The following RSRP1 variants were observed in gnomAD, a reference collection of about 807,000 sequenced individuals.
RSRP1 encodes the protein arginine/serine-rich protein 1.
Under a neutral mutation model 33.0 loss-of-function variants are expected in RSRP1, and 37 were observed. That is an observed-to-expected ratio of 1.12 (90% CI 0.86 to 1.48). The LOEUF (loss-of-function observed/expected upper bound fraction) is 1.48, where lower values mean the gene tolerates loss of function less well. RSRP1 is among the 40% of genes most tolerant of loss of function. The pLI is 0.00. For synonymous variants in RSRP1, 167 were observed against 158.7 expected, an observed-to-expected ratio of 1.05 and a Z score of -0.40; for missense variants, 402 against 385.3, an observed-to-expected ratio of 1.04 and a Z score of -0.36.
chr1:25,270,070 TC>T (rs1484024903), intron 1 of RSRP1, among the ~76,000 whole-genome samples: 1 of 131,784 alleles, frequency 7.6e-6, no homozygotes, highest in African/African-American at 2.6e-5. Context: ...AGAGGTCACA[TC>T]CATTTATCCC....
rs1208304238 is a variant in RSRP1 at position 25,305,058 on chromosome 1, C to G, written c.-67+32920G>C. Among the ~76,000 whole-genome samples the G allele has an allele frequency of 1.7e-4, 23 of 132,610 alleles. 2 individuals are homozygous for G. Among genetic ancestry groups the G allele is most frequent in the South Asian group, 6.9e-4 (3 of 4,362 alleles). The allele number at this position is 132,610 out of a possible 152,430, so 87.0% of individuals were successfully genotyped here. A position where few individuals can be genotyped will look rare whatever the true frequency, so the allele number is the denominator to read the frequency against. ...GTTTAGTGAGCGAAATGGATACACA[C>G]AATACAGTGTGAGAACAGCAAGAGG... On this transcript the variant is annotated intron_variant, in intron 1 of 1. Transcript: ENST00000561867.
rs555351124 is a variant in RSRP1, at chr1:25,274,711, A to G, written c.-66-27682T>C. On this transcript the variant is annotated intron_variant, in intron 1 of 1. Coordinates refer to the RSRP1 transcript ENST00000561867. ...AACATTGCATTGCCCTGGAGCCTAA[A>G]AGGGGAAACAAAGGGCCGGGCGACG... 5.2e-5 allele frequency among the ~76,000 whole-genome samples: 7 copies of G among 133,972 alleles called. 1 individual carries two copies. In the East Asian group the frequency reaches 1.4e-3, roughly 26 times the overall value. The allele number at this position is 133,972 out of a possible 152,430, so 87.9% of individuals were successfully genotyped here.
intron 1 of RSRP1, among the ~76,000 whole-genome samples, chr1:25,320,148 T>G (rs1644621663): frequency 7.6e-6 from 1 of 131,758 alleles, no homozygotes; most frequent in Non-Finnish European, 1.8e-5. Flanking sequence ...TCCGCCCACC[T>G]TGGCCTCCCA....
intron 1 of RSRP1, among the ~76,000 whole-genome samples, chr1:25,282,570 G>A (rs1641584334): frequency 7.6e-6 from 1 of 132,434 alleles, no homozygotes; most frequent in Admixed American, 7.4e-5. Context: ...AAATGATAGA[G>A]CTGGGATCGA....
rs1243386917 is a variant in RSRP1 at position 25,291,274 on chromosome 1, G to T, written c.-66-44245C>A. ...ACCTGAGGTCAGGAGTTCAAGACCA[G>T]CCTGGTCAACATGGGGGAACCTCAT... On this transcript the variant is annotated intron_variant, in intron 1 of 1. Coordinates refer to the RSRP1 transcript ENST00000561867. Among the ~76,000 whole-genome samples, 2 of 130,728 alleles carry T rather than the reference G, an allele frequency of 1.5e-5. 1 individual carries two copies. Among genetic ancestry groups the T allele is most frequent in the East Asian group, 3.9e-4 (2 of 5,108 alleles). The allele number at this position is 130,728 out of a possible 152,430, so 85.8% of individuals were successfully genotyped here. A position where few individuals can be genotyped will look rare whatever the true frequency, so the allele number is the denominator to read the frequency against.
rs1487279969 is a variant in RSRP1 at position 25,246,958 on chromosome 1, G to A, written c.6C>T (p.Ser2=). 1 of 1,574,132 alleles carries A rather than the reference G, an allele frequency of 6.4e-7. No individual in the cohort carries two copies. The highest frequency in any genetic ancestry group is 8.6e-7 in the Non-Finnish European group (1 of 1,156,362). Residue 2 remains serine, a synonymous_variant, in exon 2 of 5, where the codon TCC becomes TCT. Coordinates refer to ENST00000243189, the MANE Select transcript of RSRP1 (RefSeq NM_020317.5). The part of the protein sequence containing the change: M[S]NYVNDMWPGS... ...CCGGCCACATGTCGTTCACGTAGTT[G>A]GACATCTTCACCTGCGGCTTTAGCC...
Position 25,319,726 on chromosome 1 carries a change from A to G in RSRP1, c.-67+18252T>C, listed in dbSNP as rs1209064175. 6.8e-5 allele frequency among the ~76,000 whole-genome samples: 9 copies of G among 132,260 alleles called. 1 individual carries two copies. The South Asian group carries it at 9.2e-4, about 14-fold the overall frequency. 86.8% of individuals were successfully genotyped at this position (132,260 alleles called of 152,430 possible). On this transcript the variant is annotated intron_variant, in intron 1 of 1. Transcript: ENST00000561867. ...ATTTAATTTGTTAATTGAGCCCTCT[A>G]TGGGCCTGTCTGTATTTATTTAAGA...
At chr1:25,293,214 G>C (rs1478158125) in intron 1 of RSRP1, among the ~76,000 whole-genome samples, 1 of 130,326 alleles carries the variant, frequency 7.7e-6, no homozygotes, top group African/African-American at 2.6e-5. Context: ...AGAAGCAGGA[G>C]GGCAATAATC....
At position 25,246,972 on chromosome 1, in the gene RSRP1, G is replaced by A. The variant is rs1553133161; in HGVS notation, c.-9C>T. The A allele has an allele frequency of 1.3e-5, 21 of 1,559,170 alleles. No homozygotes were observed. The highest frequency in any genetic ancestry group is 1.9e-5 in the Admixed American group (1 of 52,844). ...TTCACGTAGTTGGACATCTTCACCT[G>A]CGGCTTTAGCCTGCGCTTTCTCCGG... On this transcript the variant is annotated 5_prime_UTR_variant, in exon 2 of 5. Coordinates refer to ENST00000243189, the MANE Select transcript of RSRP1 (RefSeq NM_020317.5).
At chr1:25,259,004 T>G (rs1279325245) in intron 1 of RSRP1, among the ~76,000 whole-genome samples, 1 of 152,210 alleles carries the variant, frequency 6.6e-6, no homozygotes, top group South Asian at 2.1e-4. Context: ...AATACAGCCA[T>G]GTACCACATA....
chr1:25,243,733 G>A (rs971866528), intron 3 of RSRP1, 100 bp from the exon 4 acceptor site: 5 of 1,496,580 alleles, frequency 3.3e-6, no homozygotes, highest in African/African-American at 1.4e-5. Flanking sequence ...TTTAGCTGTA[G>A]ACACAAAAAT....
intron 1 of RSRP1, among the ~76,000 whole-genome samples, chr1:25,263,429 G>A (rs1396486437): frequency 1.3e-5 from 2 of 151,856 alleles, no homozygotes; most frequent in Admixed American, 6.6e-5. Flanking sequence ...GAAAGGCAAT[G>A]AGGAGCAAGT....
rs1427339649 is a variant in RSRP1 at position 25,274,643 on chromosome 1, G to A, written c.-66-27614C>T. On this transcript the variant is annotated intron_variant, in intron 1 of 1. Transcript: ENST00000561867. ...TCATCCAAGTGAGGGCACAGTGGGTGCCATGGCGTGCACACACAATAGAGC... is the reference window on the plus strand; with the variant it reads ...TCATCCAAGTGAGGGCACAGTGGGTACCATGGCGTGCACACACAATAGAGC... Among the ~76,000 whole-genome samples the A allele has an allele frequency of 6.0e-5, 8 of 133,358 alleles. 2 individuals are homozygous for A. The highest frequency in any genetic ancestry group is 1.9e-4 in the East Asian group (1 of 5,142). The allele number at this position is 133,358 out of a possible 152,430, so 87.5% of individuals were successfully genotyped here. A position where few individuals can be genotyped will look rare whatever the true frequency, so the allele number is the denominator to read the frequency against.
rs1305848740 is a variant in RSRP1 at position 25,268,990 on chromosome 1, T to C, written c.-66-21961A>G. ...ATAGGGCAGTCAGGGAAAACTTTCC[T>C]GAGAAGGGGATGGTGGAGGATCCAG... On this transcript the variant is annotated intron_variant, in intron 1 of 1. Transcript: ENST00000561867. Among the ~76,000 whole-genome samples the C allele has an allele frequency of 7.8e-5, 10 of 127,496 alleles. 1 individual carries two copies. Among genetic ancestry groups the C allele is most frequent in the African/African-American group, 2.4e-4 (9 of 37,472 alleles). 83.6% of individuals were successfully genotyped at this position (127,496 alleles called of 152,430 possible). A position where few individuals can be genotyped will look rare whatever the true frequency, so the allele number is the denominator to read the frequency against.
In RSRP1 at chr1:25,242,614, G is replaced by A; in HGVS notation, c.848C>T (p.Pro283Leu). Residue 283 changes from proline to leucine, a missense_variant, in exon 5 of 5, where the codon CCA (proline) becomes CTA (leucine). Physicochemically the swap from Pro to Leu is moderately conservative, Grantham distance 98. Coordinates refer to ENST00000243189, the MANE Select transcript of RSRP1 (RefSeq NM_020317.5). ...RSPKIDQKKS[P>L]YGLWIPI ...TTAGATAGGTATCCACAGTCCATAT[G>A]GACTTTTTTTCTGATCTATTTTTGG... 6.2e-7 allele frequency: 1 copy of A among 1,611,384 alleles called. No individual in the cohort carries two copies.
intron 1 of RSRP1, among the ~76,000 whole-genome samples, chr1:25,262,026 T>C (rs2124563654): frequency 1.3e-5 from 2 of 152,298 alleles, no homozygotes; most frequent in East Asian, 3.9e-4. Context: ...ATGTGATTTC[T>C]TATTTCCCAC....
At chr1:25,288,566 T>C (rs2124635787) in intron 1 of RSRP1, among the ~76,000 whole-genome samples, 1 of 126,254 alleles carries the variant, frequency 7.9e-6, no homozygotes, top group South Asian at 2.4e-4. Context: ...TTTATTGTGC[T>C]TGACGTATAT....
chr1:25,257,762 G>C (rs1034236718), intron 1 of RSRP1, among the ~76,000 whole-genome samples: 1 of 151,952 alleles, frequency 6.6e-6, no homozygotes, highest in Non-Finnish European at 1.5e-5. Context: ...TCCATGCCCA[G>C]CTAATTTTTT....
At chr1:25,262,015 A>G (rs1376044359) in intron 1 of RSRP1, among the ~76,000 whole-genome samples, 1 of 152,072 alleles carries the variant, frequency 6.6e-6, no homozygotes, top group Non-Finnish European at 1.5e-5. Context: ...CCTGGCCAAA[A>G]ATGTGATTTC....
Sources: allele counts gnomAD v4.1 joint callset (sites outside exome capture counted in the v4.1 genomes callset), GRCh38; gene constraint gnomAD v4.1.1; transcripts MANE v1.5; gene names NCBI Gene and HGNC (gene_info 2026-07-23, HGNC 2026-07-21).